Variants in SNTG1 observed in about 807,000 individuals in gnomAD.
The protein encoded by SNTG1 is syntrophin gamma 1.
Under a neutral mutation model 74.7 loss-of-function variants are expected in SNTG1, and 39 were observed. The ratio of observed to expected loss-of-function variants is 0.52; its 90% CI spans 0.40 to 0.68. The LOEUF (loss-of-function observed/expected upper bound fraction) is 0.68. SNTG1 is among the 30% of genes least tolerant of loss of function. The pLI, the probability that SNTG1 is intolerant of heterozygous loss-of-function variation, is 0.00. For synonymous variants in SNTG1, 254 were observed against 217.1 expected, an observed-to-expected ratio of 1.17 and a Z score of -1.49; for missense variants, 685 against 609.5, an observed-to-expected ratio of 1.12 and a Z score of -1.30.
intron 17 of SNTG1, among the ~76,000 whole-genome samples, chr8:50,723,197 C>T (rs2095491929): frequency 2.0e-5 from 3 of 152,122 alleles, no homozygotes; most frequent in Admixed American, 2.0e-4. Flanking sequence ...AAAATCTGGT[C>T]TGTAATTACT....
At chr8:50,028,191 T>C (rs1397234141) in intron 1 of SNTG1, among the ~76,000 whole-genome samples, 2 of 152,198 alleles carry the variant, frequency 1.3e-5, no homozygotes, top group African/African-American at 2.4e-5. Flanking sequence ...TCCAAGAATG[T>C]TGTATGAATG....
intron 15 of SNTG1, among the ~76,000 whole-genome samples, chr8:50,671,095 A>G (rs963184570): frequency 6.6e-6 from 1 of 151,846 alleles, no homozygotes; most frequent in Non-Finnish European, 1.5e-5. Context: ...AAACCCTAGA[A>G]GAAAACCTAG....
chr8:49,925,996 T>C (rs1433578283), intron 1 of SNTG1, among the ~76,000 whole-genome samples: 1 of 152,130 alleles, frequency 6.6e-6, no homozygotes. Flanking sequence ...TTTGAGAAGG[T>C]AGGTAGACCA....
chr8:50,459,418 G>A (rs1052164843), intron 8 of SNTG1, among the ~76,000 whole-genome samples: 1 of 151,928 alleles, frequency 6.6e-6, no homozygotes, highest in African/African-American at 2.4e-5. Flanking sequence ...TCATAAGAGA[G>A]GAGGTAATTA....
In SNTG1 at chr8:50,792,853, A is replaced by T; in HGVS notation, c.*24A>T. 3 of 1,597,040 alleles carry T rather than the reference A, an allele frequency of 1.9e-6. No homozygotes were observed. Among genetic ancestry groups the T allele is most frequent in the Non-Finnish European group, 2.6e-6 (3 of 1,171,126 alleles). On this transcript the variant is annotated 3_prime_UTR_variant, in exon 19 of 19. Transcript: ENST00000642720. The stretch of plus-strand genomic sequence containing the variant: ...GACATACTGAACTCTTCATTGACAC[A>T]CCCCATGACTGTATAAGCAGGACAC...
chr8:50,120,582 C>G (rs545766247), intron 1 of SNTG1, among the ~76,000 whole-genome samples: 1 of 45,982 alleles, frequency 2.2e-5, no homozygotes, highest in African/African-American at 5.7e-5. Context: ...ACCACTACTA[C>G]CACCACAAAC....
intron 1 of SNTG1, among the ~76,000 whole-genome samples, chr8:49,924,182 A>G (rs966824505): frequency 1.3e-5 from 2 of 152,184 alleles, no homozygotes; most frequent in Non-Finnish European, 2.9e-5. Flanking sequence ...TCAACAATAT[A>G]TAGAATTATA....
chr8:50,633,815 G>A (rs1444259983), intron 13 of SNTG1, among the ~76,000 whole-genome samples: 5 of 152,148 alleles, frequency 3.3e-5, no homozygotes, highest in Non-Finnish European at 5.9e-5. Context: ...TGGGATTTGG[G>A]AAGTGTTCAC....
intron 1 of SNTG1, among the ~76,000 whole-genome samples, chr8:50,014,890 G>GA (rs1048373277): frequency 2.7e-5 from 4 of 150,738 alleles, no homozygotes; most frequent in African/African-American, 9.8e-5. Context: ...GAATATAAAA[G>GA]AAAAAACAGC....
At chr8:50,491,577 C>G (rs977190291) in intron 8 of SNTG1, 2 of 152,360 alleles carry the variant, frequency 1.3e-5, no homozygotes, top group South Asian at 4.1e-4. Flanking sequence ...CCATGCCCAT[C>G]GGAGTACGTG....
At chr8:50,015,906 C>T (rs1816265862) in intron 1 of SNTG1, among the ~76,000 whole-genome samples, 2 of 152,104 alleles carry the variant, frequency 1.3e-5, no homozygotes, top group African/African-American at 4.8e-5. Context: ...TGAAGCAAAA[C>T]TTCATAGCCT....
At chr8:50,592,045 G>A (rs2094695316) in intron 13 of SNTG1, among the ~76,000 whole-genome samples, 1 of 152,132 alleles carries the variant, frequency 6.6e-6, no homozygotes. Context: ...TGCTGTCCCA[G>A]GTGATTCTGG....
At chr8:50,151,244 A>C (rs2082058205) in intron 1 of SNTG1, among the ~76,000 whole-genome samples, 1 of 151,652 alleles carries the variant, frequency 6.6e-6, no homozygotes, top group South Asian at 2.1e-4. Flanking sequence ...ATTTCTGTGG[A>C]ATTGGTGGTG....
chr8:50,425,443 C>G (rs1235192396), intron 4 of SNTG1, among the ~76,000 whole-genome samples: 1 of 152,140 alleles, frequency 6.6e-6, no homozygotes, highest in Admixed American at 6.6e-5. Flanking sequence ...GATGATCTGT[C>G]ACTGTCTCTC....
At chr8:50,035,595 G>A (rs1479000867) in intron 1 of SNTG1, among the ~76,000 whole-genome samples, 1 of 152,168 alleles carries the variant, frequency 6.6e-6, no homozygotes, top group Non-Finnish European at 1.5e-5. Context: ...TTCAGGAAAT[G>A]TTTCAGTGTG....
chr8:50,642,789 C>T (rs976303714), intron 13 of SNTG1, among the ~76,000 whole-genome samples: 6 of 152,030 alleles, frequency 3.9e-5, no homozygotes, highest in African/African-American at 1.4e-4. Context: ...CCTTAGGATT[C>T]TTACTATTTA....
chr8:50,386,732 T>A (rs2092580985), intron 2 of SNTG1, among the ~76,000 whole-genome samples: 1 of 146,010 alleles, frequency 6.8e-6, no homozygotes, highest in African/African-American at 2.4e-5. Flanking sequence ...AGAAGGGAGG[T>A]TCCAGACTCT....
At chr8:50,484,090 C>CTCTT (rs1454005597) in intron 8 of SNTG1, among the ~76,000 whole-genome samples, 1 of 138,516 alleles carries the variant, frequency 7.2e-6, no homozygotes, top group Non-Finnish European at 1.6e-5. Context: ...TTTTCTTTCT[C>CTCTT]TCTTTCTTTC....
chr8:50,758,037 T>C (rs1447210035), intron 18 of SNTG1, among the ~76,000 whole-genome samples: 3 of 151,970 alleles, frequency 2.0e-5, no homozygotes, highest in Non-Finnish European at 4.4e-5. Context: ...CTATACAATC[T>C]AATACATTGT....
Sources: allele counts gnomAD v4.1 joint callset (sites outside exome capture counted in the v4.1 genomes callset), GRCh38; gene constraint gnomAD v4.1.1; transcripts MANE v1.5; gene names NCBI Gene and HGNC (gene_info 2026-07-23, HGNC 2026-07-21).